Variants in TMEM108 observed in about 807,000 individuals in gnomAD.
TMEM108 encodes cancer/testis antigen 124.
TMEM108 carries 12 observed loss-of-function variants against 35.1 expected under a neutral mutation model. The observed-to-expected ratio is 0.34, with a 90% CI of 0.22 to 0.55. TMEM108 has a LOEUF of 0.55. Ranked by LOEUF, TMEM108 falls within the 20% of genes least tolerant of loss-of-function variation. The pLI is 0.89. For synonymous variants in TMEM108, 287 were observed against 308.6 expected, an observed-to-expected ratio of 0.93 and a Z score of 0.73; for missense variants, 680 against 753.3, an observed-to-expected ratio of 0.90 and a Z score of 1.14.
At chr3:133,180,800 A>G (rs1945326108) in intron 2 of TMEM108, among the ~76,000 whole-genome samples, 1 of 152,084 alleles carries the variant, frequency 6.6e-6, no homozygotes, top group Non-Finnish European at 1.5e-5. Flanking sequence ...CATGCAAACA[A>G]AACACAGACC....
At chr3:133,160,154 G>C (rs1251420227) in intron 2 of TMEM108, among the ~76,000 whole-genome samples, 2 of 152,240 alleles carry the variant, frequency 1.3e-5, no homozygotes, top group African/African-American at 4.8e-5. Flanking sequence ...AGGTAGGCAG[G>C]CTTCCTTTAG....
At chr3:133,332,486 G>GATACC (rs2107728801) in intron 3 of TMEM108, among the ~76,000 whole-genome samples, 1 of 152,362 alleles carries the variant, frequency 6.6e-6, no homozygotes, top group East Asian at 1.9e-4. Flanking sequence ...TGTGGCAGGA[G>GATACC]ATACCAACAG....
In TMEM108 at chr3:133,396,461, GCA is replaced by G. The variant is rs1159485428; in HGVS notation, c.*478_*479del. The G allele has an allele frequency of 6.6e-6, 1 of 152,392 alleles. No homozygotes were observed. Among genetic ancestry groups the G allele is most frequent in the Non-Finnish European group, 1.5e-5 (1 of 68,202 alleles). 9.4% of individuals were successfully genotyped at this position (152,392 alleles called of 1,614,324 possible). On this transcript the variant is annotated 3_prime_UTR_variant, in exon 6 of 6. Coordinates refer to ENST00000321871, the MANE Select transcript of TMEM108 (RefSeq NM_023943.4). ...CCTCAGGGGAAGACGGCAGACTCAT[GCA>G]CAGAGAAGGAAAAGGGAACATCTCA...
intron 2 of TMEM108, among the ~76,000 whole-genome samples, chr3:133,167,078 A>G (rs992793463): frequency 2.6e-5 from 4 of 152,090 alleles, no homozygotes; most frequent in African/African-American, 9.7e-5. Flanking sequence ...TAGACACAGA[A>G]TGCTGATTGG....
rs142001392 is a variant in TMEM108, at chr3:133,153,962, G to A, written c.-46-75304G>A. Among the ~76,000 whole-genome samples the A allele has an allele frequency of 1.4e-3, 218 of 152,012 alleles. 1 individual carries two copies. The highest frequency in any genetic ancestry group is 4.7e-3 in the African/African-American group (195 of 41,462). ...CAAAACTTTGTATTTGTAAATGAAGGTGGTATATGGAGGACATCTCCAAAT... is the reference window on the plus strand; with the variant it reads ...CAAAACTTTGTATTTGTAAATGAAGATGGTATATGGAGGACATCTCCAAAT... On this transcript the variant is annotated intron_variant, in intron 2 of 5. Transcript: ENST00000321871.
In TMEM108 at chr3:133,380,445, C is replaced by A; in HGVS notation, c.734C>A (p.Ser245Tyr). 1 of 1,614,060 alleles carries A rather than the reference C, an allele frequency of 6.2e-7. No individual in the cohort carries two copies. The highest frequency in any genetic ancestry group is 8.5e-7 in the Non-Finnish European group (1 of 1,179,978). The change falls in exon 4 of 6, where the codon TCC becomes TAC. Residue 245 changes from serine (S) to tyrosine (Y), a missense_variant. Transcript: ENST00000321871. This position sits in a 1 kb window ranked among gnomAD's most constrained non-coding sequence, Gnocchi z 5.3. ...LTPRTPLWGY[S>Y]SSPQPQTVAA... is the part of the protein sequence containing the mutation. ...CCCAGGACCCCACTCTGGGGCTACT[C>A]CTCTTCACCACAGCCCCAGACAGTG...
At chr3:133,143,733 CCAGA>C (rs1423417483) in intron 2 of TMEM108, among the ~76,000 whole-genome samples, 1 of 151,976 alleles carries the variant, frequency 6.6e-6, no homozygotes, top group Non-Finnish European at 1.5e-5. Flanking sequence ...GCAGGGGAGG[CCAGA>C]CAGCCAATAT....
chr3:133,176,685 T>G (rs1945235867), intron 2 of TMEM108, among the ~76,000 whole-genome samples: 1 of 149,752 alleles, frequency 6.7e-6, no homozygotes, highest in Non-Finnish European at 1.5e-5. Context: ...GAGGGAAATG[T>G]ATAGCACTAA....
chr3:133,370,185 C>T (rs1285149039), intron 3 of TMEM108, among the ~76,000 whole-genome samples: 3 of 145,368 alleles, frequency 2.1e-5, no homozygotes, highest in Non-Finnish European at 3.0e-5. Flanking sequence ...TTTTCTCTTC[C>T]AGGATGTCAT....
chr3:133,356,440 A>G (rs1347679090), intron 3 of TMEM108, among the ~76,000 whole-genome samples: 1 of 152,200 alleles, frequency 6.6e-6, no homozygotes, highest in South Asian at 2.1e-4. Context: ...TCAAAATACC[A>G]TTATAATTTT....
chr3:133,091,529 C>A (rs932995476), intron 2 of TMEM108, among the ~76,000 whole-genome samples: 1 of 152,160 alleles, frequency 6.6e-6, no homozygotes, highest in African/African-American at 2.4e-5. Flanking sequence ...GCTAAGGAAA[C>A]CATGTGATGG....
At chr3:133,353,645 G>A (rs944696841) in intron 3 of TMEM108, among the ~76,000 whole-genome samples, 3 of 152,192 alleles carry the variant, frequency 2.0e-5, no homozygotes, top group Non-Finnish European at 2.9e-5. Flanking sequence ...CTGTATGCTT[G>A]TAGACTGGCA....
In TMEM108 at chr3:133,190,004, G is replaced by A. The variant is rs949740181; in HGVS notation, c.-46-39262G>A. Among the ~76,000 whole-genome samples the A allele has an allele frequency of 4.6e-5, 7 of 152,084 alleles. No homozygotes were observed. The East Asian group carries it at 5.8e-4, about 13-fold the overall frequency. ...TCTCTTTGCTTTTGGTTGGAAGCCCGTACCCCAAGAGGGATGTAGAAAATG... is the reference window on the plus strand; with the variant it reads ...TCTCTTTGCTTTTGGTTGGAAGCCCATACCCCAAGAGGGATGTAGAAAATG... On this transcript the variant is annotated intron_variant, in intron 2 of 5. Coordinates refer to ENST00000321871, the MANE Select transcript of TMEM108 (RefSeq NM_023943.4).
intron 3 of TMEM108, among the ~76,000 whole-genome samples, chr3:133,317,902 G>A (rs1356207797): frequency 6.6e-6 from 1 of 152,226 alleles, no homozygotes; most frequent in Non-Finnish European, 1.5e-5. Context: ...TGAAAAAAAT[G>A]TAAAGCCAGA....
intron 3 of TMEM108, among the ~76,000 whole-genome samples, chr3:133,304,007 T>G (rs1045346775): frequency 7.2e-5 from 11 of 152,236 alleles, no homozygotes; most frequent in Admixed American, 2.0e-4. Flanking sequence ...AGATCCAGCT[T>G]CAACCCATAG....
At chr3:133,141,765 A>G (rs1331351772) in intron 2 of TMEM108, among the ~76,000 whole-genome samples, 2 of 152,198 alleles carry the variant, frequency 1.3e-5, no homozygotes, top group Non-Finnish European at 2.9e-5. Flanking sequence ...CATGGTTATC[A>G]TTATTGCTAT....
At chr3:133,180,238 G>A (rs1426317934) in intron 2 of TMEM108, among the ~76,000 whole-genome samples, 1 of 152,086 alleles carries the variant, frequency 6.6e-6, no homozygotes, top group Non-Finnish European at 1.5e-5. Flanking sequence ...TGGGAATATT[G>A]CATTTTTCAA....
chr3:133,219,202 T>C (rs1348217835), intron 2 of TMEM108, among the ~76,000 whole-genome samples: 1 of 152,168 alleles, frequency 6.6e-6, no homozygotes, highest in Non-Finnish European at 1.5e-5. Flanking sequence ...TATGATCCTT[T>C]GTATTTCTGT....
chr3:133,329,459 T>C (rs1286854297), intron 3 of TMEM108, among the ~76,000 whole-genome samples: 7 of 152,098 alleles, frequency 4.6e-5, no homozygotes, highest in Non-Finnish European at 1.0e-4. Context: ...CTGTGTCTTG[T>C]CCCGGCAGTC....
Sources: gnomAD v4.1 joint callset for allele counts (sites outside exome capture counted in the v4.1 genomes callset) on GRCh38, gnomAD v4.1.1 for gene constraint, Gnocchi (gnomAD v3.1) non-coding constraint, MANE v1.5 for transcripts, NCBI Gene and HGNC (gene_info 2026-07-23, HGNC 2026-07-21) for gene names.